Variants in NAALADL2 observed in about 807,000 individuals in gnomAD.
NAALADL2 encodes the protein N-acetylated alpha-linked acidic dipeptidase like 2.
Under a neutral mutation model 87.2 loss-of-function variants are expected in NAALADL2, and 76 were observed. The ratio of observed to expected loss-of-function variants is 0.87; its 90% CI spans 0.72 to 1.05. NAALADL2 has a LOEUF of 1.05. Ranked by LOEUF, NAALADL2 falls within the 50% of genes least tolerant of loss-of-function variation. NAALADL2 has a pLI of 0.00. For synonymous variants in NAALADL2, 354 were observed against 331.0 expected, an observed-to-expected ratio of 1.07 and a Z score of -0.75; for missense variants, 1,089 against 945.8, an observed-to-expected ratio of 1.15 and a Z score of -1.99.
intron 3 of NAALADL2, among the ~76,000 whole-genome samples, chr3:174,817,458 C>T (rs1233936890): frequency 2.0e-5 from 3 of 152,026 alleles, no homozygotes; most frequent in Non-Finnish European, 4.4e-5. Context: ...ACCAATTAGA[C>T]AGGCACGGTG....
At chr3:175,338,279 A>C (rs528017870) in intron 5 of NAALADL2, among the ~76,000 whole-genome samples, 1 of 152,264 alleles carries the variant, frequency 6.6e-6, no homozygotes, top group East Asian at 1.9e-4. Flanking sequence ...AATCTGATCC[A>C]TTTTAAGCAT....
chr3:174,675,926 G>A (rs1416329581), intron 2 of NAALADL2, among the ~76,000 whole-genome samples: 6 of 151,906 alleles, frequency 3.9e-5, no homozygotes, highest in Non-Finnish European at 8.8e-5. Flanking sequence ...AGCTCTTTAC[G>A]TTGTTTGTTT....
chr3:175,194,349 A>G (rs1580868516), intron 2 of NAALADL2, among the ~76,000 whole-genome samples: 1 of 151,952 alleles, frequency 6.6e-6, no homozygotes, highest in East Asian at 1.9e-4. Context: ...CATAGTTTCA[A>G]GCTGTTGCTC....
chr3:174,556,021 G>C (rs1204852444), intron 2 of NAALADL2, among the ~76,000 whole-genome samples: 1 of 151,826 alleles, frequency 6.6e-6, no homozygotes, highest in African/African-American at 2.4e-5. Context: ...GCGCACGTGA[G>C]TGTGTTTCTT....
chr3:175,454,837 A>T (rs569195049), intron 6 of NAALADL2, among the ~76,000 whole-genome samples: 1 of 152,076 alleles, frequency 6.6e-6, no homozygotes, highest in Non-Finnish European at 1.5e-5. Flanking sequence ...GGCAGCAAAT[A>T]TGGACTTGGA....
intron 5 of NAALADL2, among the ~76,000 whole-genome samples, chr3:175,365,995 T>C (rs921597561): frequency 7.3e-6 from 1 of 137,798 alleles, no homozygotes; most frequent in Non-Finnish European, 1.6e-5. Flanking sequence ...GCATTAGGTA[T>C]ATCTCCTAAT....
At chr3:175,582,990 A>G (rs746989945) in intron 10 of NAALADL2, among the ~76,000 whole-genome samples, 5 of 149,498 alleles carry the variant, frequency 3.3e-5, no homozygotes, top group Middle Eastern at 3.4e-3. Context: ...ATCTATACAG[A>G]TGCTACTCGA....
At chr3:175,119,070 T>TC (rs1560051157) in intron 2 of NAALADL2, among the ~76,000 whole-genome samples, 5 of 146,216 alleles carry the variant, frequency 3.4e-5, no homozygotes, top group African/African-American at 1.0e-4. Context: ...TTTTTTTTTT[T>TC]CCCAGTGGTC....
At chr3:175,700,246 C>T (rs1262909122) in intron 11 of NAALADL2, among the ~76,000 whole-genome samples, 2 of 152,048 alleles carry the variant, frequency 1.3e-5, no homozygotes, top group Non-Finnish European at 2.9e-5. Context: ...TATGTTTTCC[C>T]CCAGCTTCAG....
intron 1 of NAALADL2, among the ~76,000 whole-genome samples, chr3:174,905,842 C>T (rs1732890983): frequency 6.6e-6 from 1 of 152,118 alleles, no homozygotes; most frequent in Middle Eastern, 3.4e-3. Flanking sequence ...TCAAAATTAT[C>T]TGGGGTTTTA....
At chr3:174,508,100 T>A (rs1258380885) in intron 1 of NAALADL2, among the ~76,000 whole-genome samples, 1 of 146,986 alleles carries the variant, frequency 6.8e-6, no homozygotes, top group African/African-American at 2.5e-5. Context: ...ATTTTAGCTA[T>A]TGGATATCTA....
chr3:175,367,069 T>C (rs1206173059), intron 5 of NAALADL2, among the ~76,000 whole-genome samples: 3 of 151,386 alleles, frequency 2.0e-5, no homozygotes, highest in African/African-American at 4.9e-5. Flanking sequence ...GTTTCAGCTT[T>C]CTACATATGG....
chr3:175,576,288 C>G, intron 10 of NAALADL2, 101 bp downstream of exon 10: 1 of 1,094,458 alleles, frequency 9.1e-7, no homozygotes, highest in Non-Finnish European at 1.3e-6. Flanking sequence ...AAATAGGTCA[C>G]TATAGAAAAG....
intron 1 of NAALADL2, among the ~76,000 whole-genome samples, chr3:174,534,935 T>TA (rs1721593975): frequency 6.6e-6 from 1 of 152,186 alleles, no homozygotes; most frequent in Non-Finnish European, 1.5e-5. Context: ...TGAGGAATGT[T>TA]AAAAAATATA....
At chr3:174,719,473 T>C (rs1038714113) in intron 2 of NAALADL2, among the ~76,000 whole-genome samples, 2 of 152,300 alleles carry the variant, frequency 1.3e-5, no homozygotes, top group East Asian at 3.9e-4. Flanking sequence ...AGTTCATGGA[T>C]TCTTATGTTT....
At chr3:175,050,264 T>C (rs1442629429) in intron 1 of NAALADL2, among the ~76,000 whole-genome samples, 2 of 152,178 alleles carry the variant, frequency 1.3e-5, no homozygotes, top group Admixed American at 6.5e-5. Context: ...TATTATTTAT[T>C]TATTTAATTA....
At chr3:175,432,001 A>C (rs2149164908) in intron 5 of NAALADL2, among the ~76,000 whole-genome samples, 1 of 152,048 alleles carries the variant, frequency 6.6e-6, no homozygotes. Flanking sequence ...GAGACATCCT[A>C]ATTCATGCAG....
At chr3:175,523,838 A>C (rs1242009002) in intron 9 of NAALADL2, among the ~76,000 whole-genome samples, 1 of 152,242 alleles carries the variant, frequency 6.6e-6, no homozygotes, top group Non-Finnish European at 1.5e-5. Flanking sequence ...TAATTGAAAA[A>C]GTTTGCTTTA....
chr3:175,211,247 A>C (rs1423814384), intron 2 of NAALADL2, among the ~76,000 whole-genome samples: 1 of 151,920 alleles, frequency 6.6e-6, no homozygotes, highest in East Asian at 1.9e-4. Flanking sequence ...TAGATACTTC[A>C]GAATCTTTAT....
Sources: allele counts gnomAD v4.1 joint callset (sites outside exome capture counted in the v4.1 genomes callset), GRCh38; gene constraint gnomAD v4.1.1; transcripts MANE v1.5; gene names NCBI Gene and HGNC (gene_info 2026-07-23, HGNC 2026-07-21).